IL1RAPL1: variants seen among roughly 807,000 people sequenced by gnomAD.
IL1RAPL1 encodes the protein interleukin 1 receptor accessory protein like 1.
In IL1RAPL1, 3 loss-of-function variants were observed where a neutral mutation model predicts 48.4. The observed-to-expected ratio is 0.06, with a 90% confidence interval of 0.03 to 0.16. The LOEUF is 0.16. Ranked by LOEUF, IL1RAPL1 falls within the 10% of genes least tolerant of loss-of-function variation. The probability of loss-of-function intolerance (pLI) is 1.00; values close to 1 mark genes in which losing one functional copy is unlikely to be tolerated. For missense variants in IL1RAPL1, 349 were observed against 530.6 expected (o/e 0.66, Z 3.36); for synonymous variants, 185 against 187.7 (o/e 0.99, Z 0.12).
chrX:29,766,342 A>ATATATAT (rs1555918099), intron 6 of IL1RAPL1, among the ~76,000 whole-genome samples: 1 of 47,542 alleles, frequency 2.1e-5, no homozygotes, highest in African/African-American at 9.0e-5. Context: ...AAAAAAAAAA[A>ATATATAT]ATATATATAT....
At chrX:29,124,003 T>C (rs1316181543) in intron 2 of IL1RAPL1, among the ~76,000 whole-genome samples, 1 of 111,569 alleles carries the variant, frequency 9.0e-6, no homozygotes, top group Non-Finnish European at 1.9e-5. Context: ...ATACATGGGG[T>C]TCACATTTGT....
chrX:29,390,760 T>C (rs1412029676), intron 3 of IL1RAPL1, among the ~76,000 whole-genome samples: 1 of 112,434 alleles, frequency 8.9e-6, no homozygotes, highest in African/African-American at 3.2e-5. Flanking sequence ...ATCAGTGATA[T>C]ACAAAATTTC....
chrX:29,611,813 A>G (rs1924102659), intron 5 of IL1RAPL1, among the ~76,000 whole-genome samples: 1 of 110,550 alleles, frequency 9.0e-6, no homozygotes, highest in Non-Finnish European at 1.9e-5. Flanking sequence ...TCTCAGTGGG[A>G]TGGATGGGGA....
At chrX:29,145,286 G>C (rs1251932571) in intron 2 of IL1RAPL1, among the ~76,000 whole-genome samples, 1 of 111,559 alleles carries the variant, frequency 9.0e-6, no homozygotes. Flanking sequence ...TTGGATGATT[G>C]GGTGTAAAAG....
chrX:28,918,917 C>T (rs891547735), intron 2 of IL1RAPL1, among the ~76,000 whole-genome samples: 6 of 111,341 alleles, frequency 5.4e-5, no homozygotes, highest in African/African-American at 2.0e-4. Flanking sequence ...TGAGAAGCCA[C>T]TGAAAGGTTT....
rs1453622393 is a variant in IL1RAPL1 at position 29,610,798 on chromosome X, G to C, written c.704-57632G>C. ...TGCAGGAGCCGGGGCAAGCACTTTTGGGCTCCTGCCCCACAGTGGCGTCTA... is the reference window on the plus strand; with the variant it reads ...TGCAGGAGCCGGGGCAAGCACTTTTCGGCTCCTGCCCCACAGTGGCGTCTA... On this transcript the variant is annotated intron_variant, in intron 5 of 10. Transcript: ENST00000378993. Among the ~76,000 whole-genome samples the C allele has an allele frequency of 1.2e-4, 13 of 112,027 alleles. No homozygotes were observed. The Admixed American group carries it at 1.2e-3, about 11-fold the overall frequency.
At chrX:29,268,280 T>C (rs1366198991) in intron 2 of IL1RAPL1, among the ~76,000 whole-genome samples, 8 of 112,385 alleles carry the variant, frequency 7.1e-5, no homozygotes, top group Non-Finnish European at 1.3e-4. Context: ...TTCAAAGGTG[T>C]TGATTATTCA....
intron 2 of IL1RAPL1, among the ~76,000 whole-genome samples, chrX:29,281,371 G>A (rs1260441366): frequency 9.0e-6 from 1 of 111,723 alleles, no homozygotes; most frequent in East Asian, 2.8e-4. Context: ...TAATGTTGAT[G>A]TACCTGCCCT....
At chrX:29,807,188 T>TTA (rs940390903) in intron 6 of IL1RAPL1, among the ~76,000 whole-genome samples, 4 of 109,989 alleles carry the variant, frequency 3.6e-5, no homozygotes, top group South Asian at 3.7e-4. Flanking sequence ...ATATATTAAA[T>TTA]TATATATATA....
At chrX:29,908,815 G>C (rs1932702982) in intron 6 of IL1RAPL1, among the ~76,000 whole-genome samples, 1 of 111,622 alleles carries the variant, frequency 9.0e-6, no homozygotes, top group Admixed American at 9.5e-5. Context: ...ATGCAATCAG[G>C]TTATCTTCAA....
chrX:28,619,266 GA>G (rs1208980961), intron 1 of IL1RAPL1, among the ~76,000 whole-genome samples: 1 of 110,870 alleles, frequency 9.0e-6, no homozygotes, highest in Admixed American at 9.7e-5. Flanking sequence ...AAAGAGGTTA[GA>G]ATAGGAGATG....
intron 5 of IL1RAPL1, among the ~76,000 whole-genome samples, chrX:29,521,003 A>G (rs1290368414): frequency 9.0e-6 from 1 of 111,432 alleles, no homozygotes; most frequent in Non-Finnish European, 1.9e-5. Flanking sequence ...AATGTAATCC[A>G]TGGTATGGTA....
intron 1 of IL1RAPL1, among the ~76,000 whole-genome samples, chrX:28,692,518 T>C (rs1935189476): frequency 8.9e-6 from 1 of 111,766 alleles, no homozygotes; most frequent in South Asian, 3.8e-4. Flanking sequence ...GGGCATTACA[T>C]TGTAGTAATT....
chrX:29,426,999 A>T (rs35856827), intron 5 of IL1RAPL1, among the ~76,000 whole-genome samples: 570 of 21,215 alleles, frequency 0.027, no homozygotes, highest in African/African-American at 0.098. Flanking sequence ...AAACCTTTTT[A>T]AAAAAAAAAA....
intron 5 of IL1RAPL1, among the ~76,000 whole-genome samples, chrX:29,587,614 A>C (rs1226374794): frequency 1.8e-5 from 2 of 112,247 alleles, no homozygotes; most frequent in African/African-American, 6.5e-5. Context: ...ACTTCAAAAC[A>C]TCATGTTATA....
chrX:29,490,848 G>GTA lies in IL1RAPL1; in HGVS notation c.703+91541_703+91542insAT, dbSNP rs1412467957. Among the ~76,000 whole-genome samples the GTA allele has an allele frequency of 3.4e-4, 20 of 58,155 alleles. No homozygotes were observed. The East Asian group carries it at 4.3e-3, about 13-fold the overall frequency. The allele number at this position is 58,155 out of a possible 115,157, so 50.5% of individuals were successfully genotyped here. A position where few individuals can be genotyped will look rare whatever the true frequency, so the allele number is the denominator to read the frequency against. On this transcript the variant is annotated intron_variant, in intron 5 of 10. Coordinates refer to ENST00000378993, the MANE Select transcript of IL1RAPL1 (RefSeq NM_014271.4). ...TCATCTGAGGTATGTGTGTGTGTGT[G>GTA]TGTGTATATATATATATTCTGAGTG... is the stretch of plus-strand genomic sequence containing the variant.
chrX:29,642,005 C>A (rs892350459), intron 5 of IL1RAPL1, among the ~76,000 whole-genome samples: 1 of 112,256 alleles, frequency 8.9e-6, no homozygotes, highest in Non-Finnish European at 1.9e-5. Context: ...CTGGGTAGAA[C>A]AGATGTTTTT....
chrX:29,850,188 T>G (rs1931334271), intron 6 of IL1RAPL1, among the ~76,000 whole-genome samples: 1 of 112,361 alleles, frequency 8.9e-6, no homozygotes, highest in East Asian at 2.8e-4. Flanking sequence ...AAAATTCTGG[T>G]GAGTGAAATT....
intron 5 of IL1RAPL1, among the ~76,000 whole-genome samples, chrX:29,476,565 G>T (rs1471075141): frequency 2.7e-5 from 3 of 110,910 alleles, no homozygotes; most frequent in African/African-American, 9.9e-5. Context: ...TTAGATTAAT[G>T]AACTAATAAA....
Sources: gnomAD v4.1 joint callset for allele counts (sites outside exome capture counted in the v4.1 genomes callset) on GRCh38, gnomAD v4.1.1 for gene constraint, MANE v1.5 for transcripts, NCBI Gene and HGNC (gene_info 2026-07-23, HGNC 2026-07-21) for gene names.